TMEM160: variants seen among roughly 807,000 people sequenced by gnomAD.
TMEM160 encodes transmembrane protein 160.
TMEM160 carries 10 observed loss-of-function variants against 13.9 expected under a neutral mutation model. The ratio of observed to expected loss-of-function variants is 0.72; its 90% CI spans 0.45 to 1.22. The LOEUF (loss-of-function observed/expected upper bound fraction) is 1.22. Among genes scored for constraint, TMEM160 ranks in the 50% most tolerant of loss-of-function variants. The probability of loss-of-function intolerance (pLI) is 0.00; values close to 1 mark genes in which losing one functional copy is unlikely to be tolerated. For synonymous variants in TMEM160, 159 were observed against 134.8 expected, an observed-to-expected ratio of 1.18 and a Z score of -1.25; for missense variants, 287 against 283.2, an observed-to-expected ratio of 1.01 and a Z score of -0.10.
intron 1 of TMEM160, among the ~76,000 whole-genome samples, chr19:47,046,895 CT>C (rs1241734526): frequency 6.6e-6 from 1 of 152,172 alleles, no homozygotes; most frequent in African/African-American, 2.4e-5. Context: ...CTCAGTGCCC[CT>C]CTCCCCCAAA....
At chr19:47,047,786 C>CA (rs1189899847) in intron 1 of TMEM160, 5 of 673,088 alleles carry the variant, frequency 7.4e-6, no homozygotes, top group Non-Finnish European at 9.2e-6. Flanking sequence ...TTCAAGGCTG[C>CA]AGTGGGCTAC....
rs2122575906 is a variant in TMEM160 at position 47,045,962 on chromosome 19, C to T, written c.*25G>A. ...CCAGTCCTCGGGCGCTGTCCAGCGC[C>T]TGCCAGGCCCCACGGCCGTGTCGCT... is the stretch of plus-strand genomic sequence containing the variant. On this transcript the variant is annotated 3_prime_UTR_variant, in exon 3 of 3. Transcript: ENST00000253047. 2 of 1,524,560 alleles carry T rather than the reference C, an allele frequency of 1.3e-6. No homozygotes were observed. The highest frequency in any genetic ancestry group is 2.8e-5 in the African/African-American group (2 of 71,524). 94.4% of individuals were successfully genotyped at this position (1,524,560 alleles called of 1,614,324 possible). A position where few individuals can be genotyped will look rare whatever the true frequency, so the allele number is the denominator to read the frequency against.
At chr19:47,046,501 G>T in intron 2 of TMEM160, 92 bp downstream of exon 2, 1 of 1,114,064 alleles carries the variant, frequency 9.0e-7, no homozygotes, top group Non-Finnish European at 1.3e-6. Flanking sequence ...CTGGGAGTGG[G>T]ATGGGGTAGG....
At position 47,046,597 on chromosome 19, in the gene TMEM160, T is replaced by C. The variant is rs141236807; in HGVS notation, c.297A>G (p.Ala99=). Residue 99 remains alanine, a synonymous_variant, in exon 2 of 3, where the codon GCA becomes GCG. Transcript: ENST00000253047. Reference sequence around the variant, plus strand: ...AGAGGGGGGGTCTGCACTCACCATATGCTGCTTCCCGACCCATGTCACTCT... The same window carrying C: ...AGAGGGGGGGTCTGCACTCACCATACGCTGCTTCCCGACCCATGTCACTCT... ...FMQSDMGREA[A]YGFFLLGGLC... 5 of 1,612,982 alleles carry C rather than the reference T, an allele frequency of 3.1e-6. No individual in the cohort carries two copies. The highest frequency in any genetic ancestry group is 3.3e-5 in the Admixed American group (2 of 59,946).
At chr19:47,048,190 G>C (rs1046859582) in intron 1 of TMEM160, among the ~76,000 whole-genome samples, 16 of 151,842 alleles carry the variant, frequency 1.1e-4, no homozygotes, top group African/African-American at 3.1e-4. Context: ...CAATCCCTAC[G>C]GCGCCCCGTT....
Position 47,046,021 on chromosome 19 carries a change from C to T in TMEM160, c.533G>A (p.Gly178Asp). The change falls in exon 3 of 3, where the codon GGC becomes GAC. Residue 178 changes from glycine (G) to aspartate (D), a missense_variant. Coordinates refer to ENST00000253047, the MANE Select transcript of TMEM160 (RefSeq NM_017854.2). Reference protein sequence around the residue: ...PEDDGTASAEGPDEAGRPPPE With the variant: ...PEDDGTASAEDPDEAGRPPPE ...TGGCGGCCGACCCGCCTCATCAGGG[C>T]CTTCCGCGGAGGCCGTCCCGTCGTC... The T allele has an allele frequency of 1.3e-6, 2 of 1,548,962 alleles. No homozygotes were observed. The highest frequency in any genetic ancestry group is 1.7e-6 in the Non-Finnish European group (2 of 1,154,656).
intron 2 of TMEM160, 22 bp from the exon 3 acceptor site, chr19:47,046,274 A>T (rs1266537198): frequency 6.5e-7 from 1 of 1,528,184 alleles, no homozygotes; most frequent in East Asian, 2.4e-5. Context: ...GCAGGGTAGC[A>T]ACAGGGCCAA....
intron 1 of TMEM160, among the ~76,000 whole-genome samples, 179 bp downstream of exon 1, chr19:47,048,228 C>A (rs1442653346): frequency 1.3e-5 from 2 of 152,216 alleles, no homozygotes; most frequent in Non-Finnish European, 2.9e-5. Context: ...TCCCCGCAAG[C>A]CCATCCCCTC....
At position 47,048,447 on chromosome 19, in the gene TMEM160, A is replaced by T; in HGVS notation, c.168T>A (p.Asp56Glu). The change falls in exon 1 of 3, where the codon GAT (aspartate) becomes GAA (glutamate). Residue 56 changes from aspartate (D) to glutamate (E), a missense_variant. Transcript: ENST00000253047. ...TTCGGAGGAGCCAGGCGTCCGCACG[A>T]TCCAGCTCGGACACTGGGGGCGGCG... ...GASPPPVSELDRADAWLLRKA... is the reference protein window; with the variant it reads ...GASPPPVSELERADAWLLRKA... 2 of 1,426,814 alleles carry T rather than the reference A, an allele frequency of 1.4e-6. No homozygotes were observed. The highest frequency in any genetic ancestry group is 9.1e-7 in the Non-Finnish European group (1 of 1,103,008). 88.4% of individuals were successfully genotyped at this position (1,426,814 alleles called of 1,614,324 possible).
intron 1 of TMEM160, 119 bp downstream of exon 1, chr19:47,048,288 A>G (rs1015833968): frequency 1.1e-6 from 1 of 906,926 alleles, no homozygotes; most frequent in Admixed American, 3.4e-5. Flanking sequence ...CTCACACTGA[A>G]GCCCTTCTCG....
At position 47,046,608 on chromosome 19, in the gene TMEM160, G is replaced by T; in HGVS notation, c.286C>A (p.Arg96=). The change falls in exon 2 of 3, where the codon CGG becomes AGG. Residue 96 remains arginine, a synonymous_variant. Transcript: ENST00000253047. The stretch of plus-strand genomic sequence containing the variant: ...CTGCACTCACCATATGCTGCTTCCC[G>T]ACCCATGTCACTCTGCATGAAGGAG... ...VISFMQSDMG[R]EAAYGFFLLG... The T allele has an allele frequency of 6.2e-7, 1 of 1,613,196 alleles. No individual in the cohort carries two copies.
Position 47,048,620 on chromosome 19 carries a change from G to A in TMEM160, c.-6C>T. The A allele has an allele frequency of 6.5e-7, 1 of 1,532,744 alleles. No individual in the cohort carries two copies. The highest frequency in any genetic ancestry group is 8.7e-7 in the Non-Finnish European group (1 of 1,149,198). 94.9% of individuals were successfully genotyped at this position (1,532,744 alleles called of 1,614,324 possible). ...CACCACCAGCCGCCTCCCATGATTC[G>A]CACTACGGCCGCCGCGCGCCGTACC... On this transcript the variant is annotated 5_prime_UTR_variant, in exon 1 of 3. Coordinates refer to ENST00000253047, the MANE Select transcript of TMEM160 (RefSeq NM_017854.2).
rs367711322 is a variant in TMEM160 at position 47,046,648 on chromosome 19, C to T, written c.246G>A (p.Ser82=). The T allele has an allele frequency of 1.8e-5, 29 of 1,612,376 alleles. No homozygotes were observed. The highest frequency in any genetic ancestry group is 2.3e-5 in the Non-Finnish European group (27 of 1,179,720). The change falls in exon 2 of 3, where the codon TCG becomes TCA. Residue 82 remains serine (S), a synonymous_variant. Coordinates refer to ENST00000253047, the MANE Select transcript of TMEM160 (RefSeq NM_017854.2). The stretch of plus-strand genomic sequence containing the variant: ...GCATGAAGGAGATGACCCCGATGCC[C>T]GATGCCAGGAGGCCATTGCGGAACC... ...LSWFRNGLLA[S]GIGVISFMQS...
At chr19:47,046,367 T>C in intron 2 of TMEM160, 115 bp from the exon 3 acceptor site, 1 of 1,305,748 alleles carries the variant, frequency 7.7e-7, no homozygotes, top group South Asian at 1.5e-5. Flanking sequence ...AGCCTGCATC[T>C]TTGAGAATCA....
At chr19:47,048,348 T>C (rs1257595804) in intron 1 of TMEM160, 59 bp downstream of exon 1, 2 of 1,357,358 alleles carry the variant, frequency 1.5e-6, no homozygotes, top group Non-Finnish European at 1.9e-6. Flanking sequence ...CCCATCAAGG[T>C]CCCACGCGAG....
At chr19:47,047,527 T>C in intron 1 of TMEM160, 1 of 971,932 alleles carries the variant, frequency 1.0e-6, no homozygotes, top group Non-Finnish European at 1.2e-6. Flanking sequence ...TCACGTCCTT[T>C]ACAAACAGCC....
Position 47,045,939 on chromosome 19 carries a change from AGTCCTCGGGCGCTGTCCAG to A in TMEM160, c.*29_*47del, listed in dbSNP as rs1221443201. ...GAGGGGAGGTCAGGTTTAATGTCCC[AGTCCTCGGGCGCTGTCCAG>A]CGCCTGCCAGGCCCCACGGCCGTGT... On this transcript the variant is annotated 3_prime_UTR_variant, in exon 3 of 3. Transcript: ENST00000253047. 6.7e-7 allele frequency: 1 copy of A among 1,482,462 alleles called. No individual in the cohort carries two copies. The highest frequency in any genetic ancestry group is 8.9e-7 in the Non-Finnish European group (1 of 1,124,480). The allele number at this position is 1,482,462 out of a possible 1,614,324, so 91.8% of individuals were successfully genotyped here.
Position 47,045,960 on chromosome 19 carries a change from G to T in TMEM160, c.*27C>A. On this transcript the variant is annotated 3_prime_UTR_variant, in exon 3 of 3. Coordinates refer to ENST00000253047, the MANE Select transcript of TMEM160 (RefSeq NM_017854.2). The stretch of plus-strand genomic sequence containing the variant: ...TCCCAGTCCTCGGGCGCTGTCCAGC[G>T]CCTGCCAGGCCCCACGGCCGTGTCG... 6.6e-7 allele frequency: 1 copy of T among 1,522,278 alleles called. No individual in the cohort carries two copies. Among genetic ancestry groups the T allele is most frequent in the Non-Finnish European group, 8.8e-7 (1 of 1,142,216 alleles). 94.3% of individuals were successfully genotyped at this position (1,522,278 alleles called of 1,614,324 possible).
At position 47,046,090 on chromosome 19, in the gene TMEM160, A is replaced by T; in HGVS notation, c.464T>A (p.Leu155His). The T allele has an allele frequency of 6.5e-7, 1 of 1,540,218 alleles. No individual in the cohort carries two copies. Among genetic ancestry groups the T allele is most frequent in the African/African-American group, 1.4e-5 (1 of 73,096 alleles). Reference sequence around the variant, plus strand: ...GTCCAGCTCCAGCTGCCCCATGTAGAGGCCCACGGCGCACGCCCAGAGCAG... The same window carrying T: ...GTCCAGCTCCAGCTGCCCCATGTAGTGGCCCACGGCGCACGCCCAGAGCAG... The part of the protein sequence containing the change: ...ASLLWACAVG[L>H]YMGQLELDVE... Residue 155 changes from leucine to histidine, a missense_variant, in exon 3 of 3, where the codon CTC (leucine) becomes CAC (histidine). Transcript: ENST00000253047.
Sources: allele counts gnomAD v4.1 joint callset (sites outside exome capture counted in the v4.1 genomes callset), GRCh38; gene constraint gnomAD v4.1.1; transcripts MANE v1.5; gene names NCBI Gene and HGNC (gene_info 2026-07-23, HGNC 2026-07-21).